The following GAREM1 variants were observed in gnomAD, a reference collection of about 807,000 sequenced individuals.
GAREM1 encodes the protein GRB2 associated regulator of MAPK1 subtype 1.
A neutral mutation model predicts 71.3 loss-of-function variants in GAREM1; 26 were observed. That is an observed-to-expected ratio of 0.36 (90% confidence interval 0.27 to 0.51). The LOEUF is 0.51. Ranked by LOEUF, GAREM1 falls within the 20% of genes least tolerant of loss-of-function variation. The pLI is 0.95. For missense variants in GAREM1, 1,026 were observed against 1,103.1 expected (o/e 0.93, Z 0.99); for synonymous variants, 440 against 433.2 (o/e 1.02, Z -0.20).
chr18:32,299,358 C>T (rs2047176555), intron 3 of GAREM1, among the ~76,000 whole-genome samples: 1 of 151,560 alleles, frequency 6.6e-6, no homozygotes, highest in South Asian at 2.1e-4. Context: ...ACTAAAAATA[C>T]AAAAAATTAG....
intron 3 of GAREM1, chr18:32,290,361 A>G (rs2144476047): frequency 1.3e-5 from 2 of 152,310 alleles, no homozygotes; most frequent in Middle Eastern, 3.4e-3. Context: ...CAAATGACAG[A>G]CTGAAGATAT....
At chr18:32,298,197 C>G (rs923345159) in intron 3 of GAREM1, among the ~76,000 whole-genome samples, 2 of 152,184 alleles carry the variant, frequency 1.3e-5, no homozygotes, top group African/African-American at 4.8e-5. Flanking sequence ...TGAGCACAAT[C>G]TGTATCCCAT....
chr18:32,279,675 T>C (rs529953070), intron 4 of GAREM1, among the ~76,000 whole-genome samples: 15 of 152,250 alleles, frequency 9.9e-5, no homozygotes, highest in African/African-American at 3.6e-4. Context: ...GTACAATAAA[T>C]GCAATACACT....
chr18:32,463,860 C>T (rs1035778514), intron 1 of GAREM1, among the ~76,000 whole-genome samples: 4 of 151,758 alleles, frequency 2.6e-5, no homozygotes, highest in African/African-American at 7.3e-5. Context: ...TGAGCCACTG[C>T]GCCCGGCCTA....
At chr18:32,271,999 C>G (rs1215789355) in intron 4 of GAREM1, among the ~76,000 whole-genome samples, 2 of 152,136 alleles carry the variant, frequency 1.3e-5, no homozygotes, top group African/African-American at 2.4e-5. Context: ...AAATGCATAC[C>G]TTGTCTACTT....
At chr18:32,351,535 C>T (rs1255433551) in intron 2 of GAREM1, among the ~76,000 whole-genome samples, 3 of 152,102 alleles carry the variant, frequency 2.0e-5, no homozygotes, top group Non-Finnish European at 4.4e-5. Context: ...CAGCTAAGTT[C>T]CTGAGGACAC....
chr18:32,396,651 CTA>C (rs1232553313), intron 1 of GAREM1, among the ~76,000 whole-genome samples: 1 of 152,114 alleles, frequency 6.6e-6, no homozygotes, highest in African/African-American at 2.4e-5. Context: ...AAATATGGGA[CTA>C]TGTGAAAAGA....
intron 1 of GAREM1, among the ~76,000 whole-genome samples, chr18:32,415,112 T>C (rs1315057254): frequency 1.3e-5 from 2 of 152,042 alleles, no homozygotes; most frequent in Non-Finnish European, 2.9e-5. Flanking sequence ...CCAGAATAAA[T>C]GGATATATTC....
intron 3 of GAREM1, among the ~76,000 whole-genome samples, chr18:32,297,242 A>G (rs2047150764): frequency 1.3e-5 from 2 of 152,240 alleles, no homozygotes; most frequent in Admixed American, 1.3e-4. Flanking sequence ...GACAGATACA[A>G]TACTATCAGC....
intron 1 of GAREM1, among the ~76,000 whole-genome samples, chr18:32,453,353 T>A (rs1387855460): frequency 6.6e-6 from 1 of 152,122 alleles, no homozygotes; most frequent in African/African-American, 2.4e-5. Flanking sequence ...ACCATACCAC[T>A]GCTATAATAA....
chr18:32,285,776 C>G (rs1039866385), intron 4 of GAREM1, among the ~76,000 whole-genome samples: 1 of 152,132 alleles, frequency 6.6e-6, no homozygotes, highest in Non-Finnish European at 1.5e-5. Context: ...CTGAGACGTA[C>G]GAGGGGATAG....
chr18:32,344,908 A>C (rs527302369), intron 2 of GAREM1, among the ~76,000 whole-genome samples: 114 of 152,196 alleles, frequency 7.5e-4, no homozygotes, highest in Middle Eastern at 6.8e-3. Context: ...AAAAATACAA[A>C]AAAATTAGCC....
chr18:32,461,352 T>A (rs1019518833), intron 1 of GAREM1, among the ~76,000 whole-genome samples: 2 of 151,634 alleles, frequency 1.3e-5, no homozygotes. Flanking sequence ...AAACTGGGAG[T>A]AGGGGTACAG....
intron 2 of GAREM1, among the ~76,000 whole-genome samples, chr18:32,374,638 A>T (rs886893207): frequency 6.6e-6 from 1 of 152,230 alleles, no homozygotes; most frequent in African/African-American, 2.4e-5. Flanking sequence ...TAAAATGAAA[A>T]TGCCTGAGTG....
chr18:32,278,259 C>T (rs1200493157), intron 4 of GAREM1, among the ~76,000 whole-genome samples: 1 of 152,176 alleles, frequency 6.6e-6, no homozygotes, highest in Non-Finnish European at 1.5e-5. Flanking sequence ...CTAGGGACAT[C>T]TGCTGACAGG....
chr18:32,295,383 A>T (rs1182628849), intron 3 of GAREM1, among the ~76,000 whole-genome samples: 1 of 152,190 alleles, frequency 6.6e-6, no homozygotes, highest in Non-Finnish European at 1.5e-5. Flanking sequence ...CTGACCTATG[A>T]TGTCGGCATC....
At chr18:32,282,554 G>A (rs2046965757) in intron 4 of GAREM1, among the ~76,000 whole-genome samples, 1 of 152,206 alleles carries the variant, frequency 6.6e-6, no homozygotes, top group East Asian at 1.9e-4. Context: ...TTGTTTTTCT[G>A]AGACTGAGTC....
Position 32,288,163 on chromosome 18 carries a change from T to C in GAREM1, c.434A>G (p.Asn145Ser), listed in dbSNP as rs1357123411. Residue 145 changes from asparagine (N) to serine (S), a missense_variant, in exon 4 of 6, where the codon AAC becomes AGC. This residue lies in a region of GAREM1 where 218 missense variants were observed against 296.8 expected (regional missense o/e 0.73). Transcript: ENST00000269209. ...GECNEDTEVY[N>S]ITLCTGDELT... ...TTCATCCCCAGTACACAGGGTGATG[T>C]TGTAAACTTCAGTGTCTTCATTGCA... is the stretch of plus-strand genomic sequence containing the variant. 6.8e-6 allele frequency: 11 copies of C among 1,612,958 alleles called. No homozygotes were observed. The highest frequency in any genetic ancestry group is 1.7e-5 in the Admixed American group (1 of 59,928).
intron 1 of GAREM1, among the ~76,000 whole-genome samples, chr18:32,418,210 T>C (rs1462215072): frequency 1.3e-5 from 2 of 152,320 alleles, no homozygotes; most frequent in Non-Finnish European, 1.5e-5. Context: ...ATACATATAA[T>C]AGAGCAACCC....
Sources: gnomAD v4.1 joint callset for allele counts (sites outside exome capture counted in the v4.1 genomes callset) on GRCh38, gnomAD v4.1.1 for gene constraint, gnomAD v4.1.1 regional missense constraint, MANE v1.5 for transcripts, NCBI Gene and HGNC (gene_info 2026-07-23, HGNC 2026-07-21) for gene names.